SLC7A1: variants seen among roughly 807,000 people sequenced by gnomAD.
SLC7A1 encodes solute carrier family 7 member 1.
SLC7A1 carries 10 observed loss-of-function variants against 53.9 expected under a neutral mutation model. That is an observed-to-expected ratio of 0.19 (90% CI 0.11 to 0.31). The LOEUF is 0.31. Among genes scored for constraint, SLC7A1 ranks in the 10% least tolerant of loss-of-function variants. The pLI, the probability that SLC7A1 is intolerant of heterozygous loss-of-function variation, is 1.00. For missense variants in SLC7A1, 525 were observed against 827.2 expected (o/e 0.63, Z 4.48); for synonymous variants, 342 against 338.7 (o/e 1.01, Z -0.11).
At chr13:29,533,347 T>C (rs1869262169) in intron 3 of SLC7A1, among the ~76,000 whole-genome samples, 1 of 152,168 alleles carries the variant, frequency 6.6e-6, no homozygotes, top group Admixed American at 6.5e-5. Context: ...AAAGTAAACA[T>C]TGATGACAAC....
At position 29,514,411 on chromosome 13, in the gene SLC7A1, G is replaced by C; in HGVS notation, c.*69C>G. On this transcript the variant is annotated 3_prime_UTR_variant, in exon 13 of 13. Coordinates refer to ENST00000380752, the MANE Select transcript of SLC7A1 (RefSeq NM_003045.5). ...TTTCTGTTGCACTGGTGGGGAGGGT[G>C]GGGTGCCTCCCGGTCCTCTGGGGGC... 1 of 1,119,432 alleles carries C rather than the reference G, an allele frequency of 8.9e-7. No individual in the cohort carries two copies. The highest frequency in any genetic ancestry group is 1.3e-6 in the Non-Finnish European group (1 of 752,542). 69.3% of individuals were successfully genotyped at this position (1,119,432 alleles called of 1,614,324 possible). A position where few individuals can be genotyped will look rare whatever the true frequency, so the allele number is the denominator to read the frequency against.
chr13:29,530,902 C>T (rs1869122132), intron 4 of SLC7A1, among the ~76,000 whole-genome samples, 190 bp from the exon 5 acceptor site: 1 of 152,150 alleles, frequency 6.6e-6, no homozygotes, highest in Non-Finnish European at 1.5e-5. Flanking sequence ...GGGTTTAAAT[C>T]ACCAAGGTTG....
chr13:29,587,177 C>A lies in SLC7A1; in HGVS notation c.-115+8239G>T, dbSNP rs373412531. On this transcript the variant is annotated intron_variant, in intron 1 of 12. Coordinates refer to ENST00000380752, the MANE Select transcript of SLC7A1 (RefSeq NM_003045.5). ...CTTACAGCTCAGGGAAACTGAGGTA[C>A]AAATGATGGGGAGCTGAGGACAATG... Among the ~76,000 whole-genome samples the A allele has an allele frequency of 2.0e-4, 31 of 152,286 alleles. 2 individuals are homozygous for A. The South Asian group carries it at 6.2e-3, about 31-fold the overall frequency.
At chr13:29,569,980 C>T (rs1402530492) in intron 1 of SLC7A1, among the ~76,000 whole-genome samples, 2 of 152,148 alleles carry the variant, frequency 1.3e-5, no homozygotes, top group African/African-American at 4.8e-5. Context: ...TCACATTACA[C>T]AAATTAAAAG....
intron 2 of SLC7A1, among the ~76,000 whole-genome samples, chr13:29,540,991 A>G (rs1003807639): frequency 6.6e-6 from 1 of 152,234 alleles, no homozygotes; most frequent in Non-Finnish European, 1.5e-5. Flanking sequence ...TCAGCAGTCA[A>G]GGAGTGTTCC....
intron 2 of SLC7A1, among the ~76,000 whole-genome samples, chr13:29,552,524 C>A (rs1436358553): frequency 6.6e-6 from 1 of 152,144 alleles, no homozygotes; most frequent in African/African-American, 2.4e-5. Flanking sequence ...ATGGCCATGA[C>A]GCCCACATTG....
At chr13:29,514,656 G>A (rs535981367) in intron 12 of SLC7A1, 73 bp from the exon 13 acceptor site, 1 of 1,190,070 alleles carries the variant, frequency 8.4e-7, no homozygotes, top group South Asian at 1.3e-5. Context: ...TCAGAGCCCA[G>A]GGCGGTCCCA....
chr13:29,547,400 G>A (rs993787081), intron 2 of SLC7A1, among the ~76,000 whole-genome samples: 5 of 152,190 alleles, frequency 3.3e-5, no homozygotes, highest in African/African-American at 1.2e-4. Flanking sequence ...GTTGTGGAAA[G>A]GATACAGATA....
At chr13:29,594,783 C>T (rs1872240362) in intron 1 of SLC7A1, among the ~76,000 whole-genome samples, 1 of 152,180 alleles carries the variant, frequency 6.6e-6, no homozygotes, top group African/African-American at 2.4e-5. Context: ...GCAGGCGGCG[C>T]GTCCCGGGTT....
At chr13:29,571,196 T>C (rs961503067) in intron 1 of SLC7A1, among the ~76,000 whole-genome samples, 5 of 152,220 alleles carry the variant, frequency 3.3e-5, no homozygotes, top group African/African-American at 7.2e-5. Flanking sequence ...CAAAGTACTA[T>C]ACAAATATAC....
At chr13:29,525,740 T>C (rs1452764856) in intron 5 of SLC7A1, among the ~76,000 whole-genome samples, 8 of 152,168 alleles carry the variant, frequency 5.3e-5, no homozygotes, top group Non-Finnish European at 1.2e-4. Flanking sequence ...CCCCCAGAAA[T>C]GTACAAGTGA....
chr13:29,541,027 G>A (rs1296672855), intron 2 of SLC7A1, among the ~76,000 whole-genome samples: 1 of 152,186 alleles, frequency 6.6e-6, no homozygotes, highest in African/African-American at 2.4e-5. Context: ...AGAAGGGGCA[G>A]GGCTCACACA....
chr13:29,592,093 T>C lies in SLC7A1; in HGVS notation c.-115+3323A>G, dbSNP rs146903463. On this transcript the variant is annotated intron_variant, in intron 1 of 12. Transcript: ENST00000380752. ...AAGCCAGAGAAGCCAGGAGCGGTGC[T>C]GTTCCCAGTATTGGTCCCAACTCCC... Among the ~76,000 whole-genome samples the C allele has an allele frequency of 1.2e-3, 190 of 152,342 alleles. 1 individual carries two copies. Among genetic ancestry groups the C allele is most frequent in the African/African-American group, 4.4e-3 (183 of 41,590 alleles).
chr13:29,589,555 G>T (rs1296787125), intron 1 of SLC7A1, among the ~76,000 whole-genome samples: 1 of 152,258 alleles, frequency 6.6e-6, no homozygotes, highest in Non-Finnish European at 1.5e-5. Context: ...CAGGTGCCTG[G>T]ACTTGGGAGG....
intron 1 of SLC7A1, among the ~76,000 whole-genome samples, chr13:29,588,529 T>C (rs1871982311): frequency 6.7e-6 from 1 of 148,494 alleles, no homozygotes; most frequent in Admixed American, 6.8e-5. Flanking sequence ...TTTGAGACAG[T>C]ATCTCACTCT....
intron 5 of SLC7A1, among the ~76,000 whole-genome samples, chr13:29,528,718 C>T (rs1044770294): frequency 2.0e-5 from 3 of 152,224 alleles, no homozygotes; most frequent in African/African-American, 7.2e-5. Context: ...CCTAACATGG[C>T]CGATCCCCTG....
intron 2 of SLC7A1, among the ~76,000 whole-genome samples, chr13:29,539,256 G>A (rs571592435): frequency 6.6e-6 from 1 of 152,244 alleles, no homozygotes; most frequent in African/African-American, 2.4e-5. Flanking sequence ...GGCAAGGAGC[G>A]CACCAGAGCC....
rs1883342104 is a variant in SLC7A1, at chr13:29,509,868, C to T, written c.*4612G>A. On this transcript the variant is annotated 3_prime_UTR_variant, in exon 13 of 13. Transcript: ENST00000380752. ...ACCAACCCTCATTGGTATCATTACC[C>T]TTAGTGCTCCTTAAACTCATTGAAG... 1 of 152,534 alleles carries T rather than the reference C, an allele frequency of 6.6e-6. No individual in the cohort carries two copies. The highest frequency in any genetic ancestry group is 1.5e-5 in the Non-Finnish European group (1 of 68,020). The allele number at this position is 152,534 out of a possible 1,614,324, so 9.4% of individuals were successfully genotyped here.
At chr13:29,580,616 A>AT (rs1871604790) in intron 1 of SLC7A1, among the ~76,000 whole-genome samples, 1 of 152,094 alleles carries the variant, frequency 6.6e-6, no homozygotes, top group Admixed American at 6.5e-5. Flanking sequence ...TACCTGATTG[A>AT]TTTTCCCTCT....
Sources: allele counts gnomAD v4.1 joint callset (sites outside exome capture counted in the v4.1 genomes callset), GRCh38; gene constraint gnomAD v4.1.1; transcripts MANE v1.5; gene names NCBI Gene and HGNC (gene_info 2026-07-23, HGNC 2026-07-21).